The following ARHGAP33 variants were observed in gnomAD, a reference collection of about 807,000 sequenced individuals.
ARHGAP33 encodes the protein rho GTPase-activating protein 33.
Under a neutral mutation model 126.2 loss-of-function variants are expected in ARHGAP33, and 57 were observed. That is an observed-to-expected ratio of 0.45 (90% confidence interval 0.36 to 0.56). ARHGAP33 has a LOEUF of 0.56. Among genes scored for constraint, ARHGAP33 ranks in the 20% least tolerant of loss-of-function variants. The pLI is 0.00. For synonymous variants in ARHGAP33, 711 were observed against 755.0 expected, an observed-to-expected ratio of 0.94 and a Z score of 0.95; for missense variants, 1,500 against 1,748.3, an observed-to-expected ratio of 0.86 and a Z score of 2.53.
Position 35,786,203 on chromosome 19 carries a change from G to A in ARHGAP33, c.1943-210G>A. Reference sequence around the variant, plus strand: ...CTGTATGTGAATCTGTTGGTCTCGTGCTCACAGCCTGTGGGGCAGCCACAG... The same window carrying A: ...CTGTATGTGAATCTGTTGGTCTCGTACTCACAGCCTGTGGGGCAGCCACAG... On this transcript the variant is annotated intron_variant, in intron 19 of 20. Coordinates refer to ENST00000007510, the MANE Select transcript of ARHGAP33 (RefSeq NM_001366178.1). This position sits in a 1 kb window ranked among gnomAD's most constrained non-coding sequence, Gnocchi z 7.0. 1 of 1,409,504 alleles carries A rather than the reference G, an allele frequency of 7.1e-7. No homozygotes were observed. The highest frequency in any genetic ancestry group is 9.2e-7 in the Non-Finnish European group (1 of 1,086,792). The allele number at this position is 1,409,504 out of a possible 1,614,324, so 87.3% of individuals were successfully genotyped here. A position where few individuals can be genotyped will look rare whatever the true frequency, so the allele number is the denominator to read the frequency against.
At position 35,778,138 on chromosome 19, in the gene ARHGAP33, CTA is replaced by C. The variant is rs888670503; in HGVS notation, c.190-140_190-139del. 10 of 905,450 alleles carry C rather than the reference CTA, an allele frequency of 1.1e-5. No individual in the cohort carries two copies. In the African/African-American group the frequency reaches 1.7e-4, roughly 15 times the overall value. The allele number at this position is 905,450 out of a possible 1,614,324, so 56.1% of individuals were successfully genotyped here. On this transcript the variant is annotated intron_variant, in intron 3 of 20. Coordinates refer to ENST00000007510, the MANE Select transcript of ARHGAP33 (RefSeq NM_001366178.1). ...CAACAACTTTTGTTAGGTATCTGCT[CTA>C]TGTCAGGGACCAGGACATCACCAGG...
chr19:35,786,851 ACATCT>A lies in ARHGAP33; in HGVS notation c.2384_2388del (p.Ile795ArgfsTer54). 1.3e-6 allele frequency: 2 copies of A among 1,592,076 alleles called. No individual in the cohort carries two copies. The highest frequency in any genetic ancestry group is 1.7e-6 in the Non-Finnish European group (2 of 1,172,358). ...AGCCCCGCCTCGCCTGCTGCCCTAG[ACATCT>A]CAGAGCCCCTGGCTGTATCAGTGCC... On this transcript the variant is annotated frameshift_variant, in exon 20 of 21. Coordinates refer to ENST00000007510, the MANE Select transcript of ARHGAP33 (RefSeq NM_001366178.1). LOFTEE classifies it high-confidence loss of function. The surrounding 1 kb of genome is among the most constrained non-coding windows in gnomAD (Gnocchi z 7.0).
chr19:35,776,858 C>A (rs1174064524), intron 1 of ARHGAP33, among the ~76,000 whole-genome samples: 1 of 152,172 alleles, frequency 6.6e-6, no homozygotes, highest in Non-Finnish European at 1.5e-5. Context: ...TGGAGAGAGT[C>A]CAGAGGAGAT....
chr19:35,782,296 AG>A lies in ARHGAP33; in HGVS notation c.1086-73del. ...CATCCACCTGCGGGCACTTGGGGGTAGGGGCAAGGGGAGCATGGCCACGTGA... is the reference window on the plus strand; with the variant it reads ...CATCCACCTGCGGGCACTTGGGGGTAGGGCAAGGGGAGCATGGCCACGTGA... On this transcript the variant is annotated intron_variant, in intron 12 of 20. Coordinates refer to ENST00000007510, the MANE Select transcript of ARHGAP33 (RefSeq NM_001366178.1). The surrounding 1 kb of genome is among the most constrained non-coding windows in gnomAD (Gnocchi z 4.1). 2 of 1,524,186 alleles carry A rather than the reference AG, an allele frequency of 1.3e-6. No homozygotes were observed. Among genetic ancestry groups the A allele is most frequent in the Non-Finnish European group, 1.8e-6 (2 of 1,120,946 alleles). The allele number at this position is 1,524,186 out of a possible 1,614,324, so 94.4% of individuals were successfully genotyped here.
At chr19:35,787,107 C>T (rs1972157383) in intron 20 of ARHGAP33, 35 bp downstream of exon 20, 1 of 1,599,674 alleles carries the variant, frequency 6.3e-7, no homozygotes, top group Non-Finnish European at 8.5e-7. Context: ...CTGTCCCCGC[C>T]AGCTGTCACT....
rs1403133814 is a variant in ARHGAP33, at chr19:35,787,170, C to T, written c.2605C>T (p.Pro869Ser). Residue 869 changes from proline (P) to serine (S), a missense_variant and splice_region_variant, in exon 21 of 21, where the codon CCT becomes TCT. Pro to Ser is a moderately conservative substitution (Grantham distance 74). This residue lies in a region of ARHGAP33 where 642 missense variants were observed against 634.0 expected (regional missense o/e 1.01). Transcript: ENST00000007510. ...CCCCTCTCCATTCATTTATATAGGT[C>T]CTGATATGGAGTCACCACTGCCACC... Reference protein sequence around the residue: ...KLRGAQGPLGPDMESPLPPPP... With the variant: ...KLRGAQGPLGSDMESPLPPPP... 5 of 1,610,254 alleles carry T rather than the reference C, an allele frequency of 3.1e-6. No individual in the cohort carries two copies. The African/African-American group carries it at 4.0e-5, about 13-fold the overall frequency.
chr19:35,786,001 C>A lies in ARHGAP33; in HGVS notation c.1943-412C>A. On this transcript the variant is annotated intron_variant, in intron 19 of 20. Transcript: ENST00000007510. This position sits in a 1 kb window ranked among gnomAD's most constrained non-coding sequence, Gnocchi z 7.0. The stretch of plus-strand genomic sequence containing the variant: ...AGCTTGGCTTTTTCTCCATCGCTAC[C>A]TCACAGCCCGCCGCGCTGCTGGGTG... The A allele has an allele frequency of 9.0e-7, 1 of 1,105,298 alleles. No homozygotes were observed. Among genetic ancestry groups the A allele is most frequent in the Non-Finnish European group, 1.1e-6 (1 of 905,522 alleles). The allele number at this position is 1,105,298 out of a possible 1,614,324, so 68.5% of individuals were successfully genotyped here.
intron 16 of ARHGAP33, chr19:35,784,656 G>A (rs999366503): frequency 2.9e-5 from 9 of 309,698 alleles, no homozygotes; most frequent in East Asian, 2.6e-4. Flanking sequence ...GCCCTGCCCC[G>A]GACCCCAGCC....
At position 35,780,969 on chromosome 19, in the gene ARHGAP33, G is replaced by T; in HGVS notation, c.879G>T (p.Met293Ile). 6.2e-7 allele frequency: 1 copy of T among 1,610,312 alleles called. No individual in the cohort carries two copies. Residue 293 changes from methionine (M) to isoleucine (I), a missense_variant, in exon 11 of 21, where the codon ATG (methionine) becomes ATT (isoleucine). Around this residue, in one of 6 missense-constraint regions of ARHGAP33, gnomAD observed 281 missense variants for 413.7 expected, o/e 0.68. Transcript: ENST00000007510. ...GKLAGLLRTF[M>I]RSRPSRQRLR... ...TGGCCGGCCTGCTCCGCACCTTCAT[G>T]CGCTCCCGCCCTTCTCGGCAGCGGC...
chr19:35,785,790 A>G (rs1972082309), intron 19 of ARHGAP33: 3 of 1,225,172 alleles, frequency 2.4e-6, no homozygotes, highest in Non-Finnish European at 3.1e-6. Context: ...GAGCAGCCCC[A>G]TTCCTTCTCC....
Position 35,780,254 on chromosome 19 carries a change from C to A in ARHGAP33, c.545C>A (p.Ser182Ter). The change falls in exon 7 of 21, where the codon TCA becomes TAA. Residue 182 changes from serine to a stop codon, truncating the protein, a stop_gained. Coordinates refer to ENST00000007510, the MANE Select transcript of ARHGAP33 (RefSeq NM_001366178.1). LOFTEE classifies it high-confidence loss of function. ...GRRLLLSEEA[S>*]LNIPAVAAAH... ...CGACTGCTCCTCAGTGAGGAGGCGT[C>A]ACTCAATATCCCTGCAGTGGCGGCC... The A allele has an allele frequency of 6.2e-7, 1 of 1,613,984 alleles. No homozygotes were observed. The highest frequency in any genetic ancestry group is 1.1e-5 in the South Asian group (1 of 91,070).
In ARHGAP33 at chr19:35,778,465, G is replaced by A. The variant is rs1315071449; in HGVS notation, c.272G>A (p.Gly91Asp). The change falls in exon 5 of 21, where the codon GGC (glycine) becomes GAC (aspartate). Residue 91 changes from glycine (G) to aspartate (D), a missense_variant and splice_region_variant. Physicochemically the swap from Gly to Asp is moderately conservative, Grantham distance 94 (BLOSUM62 -1). Around this residue, in one of 6 missense-constraint regions of ARHGAP33, gnomAD observed 129 missense variants for 145.9 expected, o/e 0.88. Transcript: ENST00000007510. Reference sequence around the variant, plus strand: ...CCTTCTGTCCCTCTGCTCCCACAGGGCCGTTCCTGGCCGGTTCTCCGGAGT... The same window carrying A: ...CCTTCTGTCCCTCTGCTCCCACAGGACCGTTCCTGGCCGGTTCTCCGGAGT... ...LVFGVQVTCQ[G>D]RSWPVLRSYD... The A allele has an allele frequency of 1.2e-6, 2 of 1,614,058 alleles. No homozygotes were observed. The highest frequency in any genetic ancestry group is 2.7e-5 in the African/African-American group (2 of 74,936).
intron 6 of ARHGAP33, 99 bp from the exon 7 acceptor site, chr19:35,780,111 CG>C: frequency 1.3e-6 from 2 of 1,497,502 alleles, no homozygotes; most frequent in Non-Finnish European, 1.8e-6. Flanking sequence ...GGGCTCTTGA[CG>C]GGGGCGGGCA....
chr19:35,788,400 T>A lies in ARHGAP33; in HGVS notation c.3835T>A (p.Ser1279Thr). The A allele has an allele frequency of 6.3e-7, 1 of 1,579,788 alleles. No homozygotes were observed. The highest frequency in any genetic ancestry group is 8.6e-7 in the Non-Finnish European group (1 of 1,163,402). The change falls in exon 21 of 21, where the codon TCT becomes ACT. Residue 1279 changes from serine to threonine, a missense_variant. Ser to Thr is a moderately conservative substitution (Grantham distance 58). Transcript: ENST00000007510. ...PYPTPSWSLHSEGQTRSYC is the reference protein window; with the variant it reads ...PYPTPSWSLHTEGQTRSYC ...CCCCACTCCCAGCTGGTCCCTCCAC[T>A]CTGAGGGCCAGACCCGAAGCTACTG...
chr19:35,778,740 C>A (rs184824500), intron 5 of ARHGAP33, 139 bp downstream of exon 5: 278 of 1,256,208 alleles, frequency 2.2e-4, no homozygotes, highest in Admixed American at 8.3e-4. Flanking sequence ...AATGGAGAAG[C>A]CTTAGAAACG....
Position 35,787,859 on chromosome 19 carries a change from T to C in ARHGAP33, c.3294T>C (p.Ser1098=), listed in dbSNP as rs751055344. The change falls in exon 21 of 21, where the codon TCT becomes TCC. Residue 1098 remains serine, a synonymous_variant. Transcript: ENST00000007510. ...GGGCAAGTGAGGGGTCCCCCTATTC[T>C]GGCCCCACCCGCTCCTGGAGTCCCT... ...EIGASEGSPY[S]GPTRSWSPFR... The C allele has an allele frequency of 1.2e-6, 2 of 1,608,640 alleles. No homozygotes were observed. Among genetic ancestry groups the C allele is most frequent in the East Asian group, 2.2e-5 (1 of 44,800 alleles).
chr19:35,781,871 A>C (rs890566693), intron 12 of ARHGAP33, among the ~76,000 whole-genome samples: 1 of 151,540 alleles, frequency 6.6e-6, no homozygotes, highest in Non-Finnish European at 1.5e-5. Flanking sequence ...AGAGGCGGGG[A>C]GGAGCCAGGC....
rs1971841877 is a variant in ARHGAP33 at position 35,782,385 on chromosome 19, C to T, written c.1098C>T (p.Asp366=). The change falls in exon 13 of 21, where the codon GAC becomes GAT. Residue 366 remains aspartate, a synonymous_variant. Coordinates refer to ENST00000007510, the MANE Select transcript of ARHGAP33 (RefSeq NM_001366178.1). The surrounding 1 kb of genome is among the most constrained non-coding windows in gnomAD (Gnocchi z 4.1). ...SNIQRLRHEF[D]SERIPELSGP... is the part of the protein sequence containing the mutation. ...ACGGTGGTCTCAGGCACGAGTTTGA[C>T]AGTGAGAGGATCCCGGAGCTGTCTG... is the stretch of plus-strand genomic sequence containing the variant. 4 of 1,605,004 alleles carry T rather than the reference C, an allele frequency of 2.5e-6. No individual in the cohort carries two copies. In the South Asian group the frequency reaches 3.3e-5, roughly 13 times the overall value.
intron 15 of ARHGAP33, among the ~76,000 whole-genome samples, chr19:35,783,340 G>A (rs1033062742): frequency 1.1e-4 from 17 of 152,224 alleles, no homozygotes; most frequent in Non-Finnish European, 2.1e-4. Flanking sequence ...AAAACAGGTG[G>A]TATGTCAGAG....
Sources: gnomAD v4.1 joint callset for allele counts (sites outside exome capture counted in the v4.1 genomes callset) on GRCh38, gnomAD v4.1.1 for gene constraint, gnomAD v4.1.1 regional missense constraint, Gnocchi (gnomAD v3.1) non-coding constraint, MANE v1.5 for transcripts, NCBI Gene and HGNC (gene_info 2026-07-23, HGNC 2026-07-21) for gene names.